SAMD7: variants seen among roughly 807,000 people sequenced by gnomAD.
SAMD7 encodes sterile alpha motif domain containing 7.
In SAMD7, 34 loss-of-function variants were observed where a neutral mutation model predicts 36.7. The ratio of observed to expected loss-of-function variants is 0.93; its 90% CI spans 0.71 to 1.23. The LOEUF is 1.23. Among genes scored for constraint, SAMD7 ranks in the 50% most tolerant of loss-of-function variants. The pLI is 0.00. For missense variants in SAMD7, 570 were observed against 546.6 expected, an observed-to-expected ratio of 1.04 and a Z score of -0.43; for synonymous variants, 188 against 189.7, an observed-to-expected ratio of 0.99 and a Z score of 0.07.
At chr3:169,929,146 A>G (rs1295939102) in intron 7 of SAMD7, among the ~76,000 whole-genome samples, 1 of 152,350 alleles carries the variant, frequency 6.6e-6, no homozygotes, top group East Asian at 1.9e-4. Flanking sequence ...ATAATGAACT[A>G]TCAGGGCAGT....
At chr3:169,917,728 G>C (rs556331892) in intron 2 of SAMD7, among the ~76,000 whole-genome samples, 3 of 150,962 alleles carry the variant, frequency 2.0e-5, no homozygotes, top group African/African-American at 7.3e-5. Flanking sequence ...TGCAAGCTCC[G>C]CCTCCCAGGT....
At chr3:169,924,328 C>T (rs943249034) in intron 4 of SAMD7, among the ~76,000 whole-genome samples, 3 of 152,074 alleles carry the variant, frequency 2.0e-5, no homozygotes, top group Admixed American at 1.3e-4. Context: ...GTGGCTCACG[C>T]CTGTAATCCC....
At position 169,913,581 on chromosome 3, in the gene SAMD7, C is replaced by A. The variant is rs77837259; in HGVS notation, c.-117+1760C>A. ...CTCATCCTCCTAATGTGCTGGGCAT[C>A]CAGGATTAGAGCTCTGGGTCAGAGA... On this transcript the variant is annotated intron_variant, in intron 1 of 8. Transcript: ENST00000335556. Among the ~76,000 whole-genome samples the A allele has an allele frequency of 9.9e-3, 1,509 of 152,262 alleles. 30 individuals are homozygous for A. The highest frequency in any genetic ancestry group is 0.035 in the African/African-American group (1,438 of 41,538).
At position 169,919,472 on chromosome 3, in the gene SAMD7, CGA is replaced by C; in HGVS notation, c.-22_-21del. ...GTTCTTTTTAGAACTCCATTAGTGG[CGA>C]GAGATATTGAAGACAAACCCGGTGA... On this transcript the variant is annotated 5_prime_UTR_variant, in exon 3 of 9. Coordinates refer to ENST00000335556, the MANE Select transcript of SAMD7 (RefSeq NM_001304366.2). 6.3e-7 allele frequency: 1 copy of C among 1,580,416 alleles called. No individual in the cohort carries two copies. Among genetic ancestry groups the C allele is most frequent in the Non-Finnish European group, 8.7e-7 (1 of 1,149,316 alleles).
chr3:169,931,719 TGA>T (rs998178976), intron 7 of SAMD7, among the ~76,000 whole-genome samples: 1 of 152,182 alleles, frequency 6.6e-6, no homozygotes. Context: ...GGCTCAGCGC[TGA>T]GAGAGGTGGC....
rs200218552 is a variant in SAMD7 at position 169,927,201 on chromosome 3, T to C, written c.919+20T>C. 3.2e-4 allele frequency: 490 copies of C among 1,509,814 alleles called. 1 individual carries two copies. Among genetic ancestry groups the C allele is most frequent in the Middle Eastern group, 2.7e-3 (14 of 5,226 alleles). 93.5% of individuals were successfully genotyped at this position (1,509,814 alleles called of 1,614,324 possible). A position where few individuals can be genotyped will look rare whatever the true frequency, so the allele number is the denominator to read the frequency against. ...TGCCAGGTGGGTGTCCAGGGGCCAA[T>C]GGCAGATCCTCATTAACTACAGGTT... On this transcript the variant is annotated intron_variant, in intron 6 of 8. Coordinates refer to ENST00000335556, the MANE Select transcript of SAMD7 (RefSeq NM_001304366.2).
chr3:169,933,040 TA>T, intron 7 of SAMD7: 1 of 828,614 alleles, frequency 1.2e-6, no homozygotes, highest in East Asian at 2.6e-5. Context: ...CGGAACTACC[TA>T]AAGAATGGTG....
At chr3:169,914,704 T>C (rs1170124436) in intron 1 of SAMD7, among the ~76,000 whole-genome samples, 2 of 152,202 alleles carry the variant, frequency 1.3e-5, no homozygotes, top group Non-Finnish European at 2.9e-5. Flanking sequence ...AGACTTATCC[T>C]TTCCCATTGG....
At chr3:169,913,954 T>C (rs1712700202) in intron 1 of SAMD7, among the ~76,000 whole-genome samples, 1 of 152,196 alleles carries the variant, frequency 6.6e-6, no homozygotes, top group Admixed American at 6.5e-5. Flanking sequence ...AGTATTCTGA[T>C]TTTATTTGCT....
At chr3:169,928,633 C>T (rs1437680641) in intron 7 of SAMD7, 55 bp downstream of exon 7, 5 of 1,568,310 alleles carry the variant, frequency 3.2e-6, no homozygotes, top group Non-Finnish European at 4.4e-6. Context: ...AATATCTTTC[C>T]TGCATAATGA....
rs1476545106 is a variant in SAMD7 at position 169,929,252 on chromosome 3, G to A, written c.1041+674G>A. Among the ~76,000 whole-genome samples, 8 of 152,094 alleles carry A rather than the reference G, an allele frequency of 5.3e-5. No homozygotes were observed. In the East Asian group the frequency reaches 1.3e-3, roughly 26 times the overall value. ...GTTTATGTCAATGCTACATTTTCATGCATTTAGTTTACTTTTTTGAGTTAT... is the reference window on the plus strand; with the variant it reads ...GTTTATGTCAATGCTACATTTTCATACATTTAGTTTACTTTTTTGAGTTAT... On this transcript the variant is annotated intron_variant, in intron 7 of 8. Transcript: ENST00000335556.
chr3:169,938,626 TGGGG>T lies in SAMD7; in HGVS notation c.*121_*124del. The T allele has an allele frequency of 1.5e-6, 1 of 679,204 alleles. No homozygotes were observed. The highest frequency in any genetic ancestry group is 2.4e-6 in the Non-Finnish European group (1 of 420,714). 42.1% of individuals were successfully genotyped at this position (679,204 alleles called of 1,614,324 possible). A position where few individuals can be genotyped will look rare whatever the true frequency, so the allele number is the denominator to read the frequency against. ...AATGAGAAGAGAAAGTCAGCCTTTCTGGGGCTTTCATGGAGGAGACTTGCCCAAG... is the reference window on the plus strand; with the variant it reads ...AATGAGAAGAGAAAGTCAGCCTTTCTCTTTCATGGAGGAGACTTGCCCAAG... On this transcript the variant is annotated 3_prime_UTR_variant, in exon 9 of 9. Coordinates refer to ENST00000335556, the MANE Select transcript of SAMD7 (RefSeq NM_001304366.2).
chr3:169,919,663 T>C, intron 3 of SAMD7, 79 bp downstream of exon 3: 2 of 1,167,464 alleles, frequency 1.7e-6, no homozygotes, highest in Admixed American at 1.7e-5. Flanking sequence ...TTAAGTCTAG[T>C]GTTGTTTTAT....
intron 1 of SAMD7, among the ~76,000 whole-genome samples, chr3:169,912,624 A>T (rs1216756374): frequency 1.3e-5 from 2 of 152,202 alleles, no homozygotes; most frequent in African/African-American, 4.8e-5. Context: ...TGTGCCTAGA[A>T]CCTGACATTT....
intron 2 of SAMD7, among the ~76,000 whole-genome samples, chr3:169,916,632 A>C (rs1004117116): frequency 6.6e-6 from 1 of 152,218 alleles, no homozygotes; most frequent in African/African-American, 2.4e-5. Context: ...TGGGCAAGAG[A>C]GTGAGACTCT....
chr3:169,926,251 G>C lies in SAMD7; in HGVS notation c.291-302G>C, dbSNP rs767923679. ...CTTCCCAGTACTTTAGGTTTTTTGA[G>C]GATTAATCTCTGGCAAGGAACTAGC... On this transcript the variant is annotated intron_variant, in intron 5 of 8. Transcript: ENST00000335556. The C allele has an allele frequency of 3.7e-5, 49 of 1,340,254 alleles. No individual in the cohort carries two copies. The South Asian group carries it at 4.3e-4, about 12-fold the overall frequency. 83.0% of individuals were successfully genotyped at this position (1,340,254 alleles called of 1,614,324 possible).
rs750896475 is a variant in SAMD7, at chr3:169,928,597, A to G, written c.1041+19A>G. 2 of 1,609,212 alleles carry G rather than the reference A, an allele frequency of 1.2e-6. No homozygotes were observed. Among genetic ancestry groups the G allele is most frequent in the South Asian group, 1.1e-5 (1 of 90,002 alleles). ...TGCTCAGGTGACTTAATGTTTAAGT[A>G]TTTCCATACAAGAAAAACAGTTTGA... is the stretch of plus-strand genomic sequence containing the variant. On this transcript the variant is annotated intron_variant, in intron 7 of 8. Transcript: ENST00000335556.
intron 4 of SAMD7, 72 bp from the exon 5 acceptor site, chr3:169,924,986 G>T: frequency 1.1e-6 from 1 of 945,476 alleles, no homozygotes; most frequent in Non-Finnish European, 1.6e-6. Context: ...CATTGTTATA[G>T]TTTATTTTAT....
At chr3:169,927,280 T>G (rs960625290) in intron 6 of SAMD7, 99 bp downstream of exon 6, 1 of 501,274 alleles carries the variant, frequency 2.0e-6, no homozygotes, top group African/African-American at 2.1e-5. Flanking sequence ...CCTCTTTTTA[T>G]CTTTCTTTTT....
Sources: allele counts gnomAD v4.1 joint callset (sites outside exome capture counted in the v4.1 genomes callset), GRCh38; gene constraint gnomAD v4.1.1; transcripts MANE v1.5; gene names NCBI Gene and HGNC (gene_info 2026-07-23, HGNC 2026-07-21).